The following ZNF395 variants were observed in gnomAD, a reference collection of about 807,000 sequenced individuals.
ZNF395 encodes the protein HD gene regulatory region-binding protein 2.
A neutral mutation model predicts 57.7 loss-of-function variants in ZNF395; 20 were observed. That is an observed-to-expected ratio of 0.35 (90% CI 0.24 to 0.50). The LOEUF (loss-of-function observed/expected upper bound fraction) is 0.50. Ranked by LOEUF, ZNF395 falls within the 20% of genes least tolerant of loss-of-function variation. The pLI, the probability that ZNF395 is intolerant of heterozygous loss-of-function variation, is 0.97. For synonymous variants in ZNF395, 295 were observed against 275.9 expected (o/e 1.07, Z -0.69); for missense variants, 606 against 671.2 (o/e 0.90, Z 1.07).
chr8:28,377,195 CTA>C (rs1802051958), intron 1 of ZNF395, among the ~76,000 whole-genome samples: 1 of 151,992 alleles, frequency 6.6e-6, no homozygotes, highest in Non-Finnish European at 1.5e-5. Context: ...CAGAATTAAA[CTA>C]AAAAAAATTT....
rs1289221273 is a variant in ZNF395, at chr8:28,352,341, T to TC, written c.920+231dup. Among the ~76,000 whole-genome samples, 1 of 152,136 alleles carries TC rather than the reference T, an allele frequency of 6.6e-6. No homozygotes were observed. The highest frequency in any genetic ancestry group is 2.4e-5 in the African/African-American group (1 of 41,416). On this transcript the variant is annotated intron_variant, in intron 6 of 9. Coordinates refer to ENST00000344423, the MANE Select transcript of ZNF395 (RefSeq NM_018660.3). The surrounding 1 kb of genome is among the most constrained non-coding windows in gnomAD (Gnocchi z 4.0). ...CTACCCAGAACTAAAACATCTTGCTTCCTGCAATGAGGCAAGAAGACACAT... is the reference window on the plus strand; with the variant it reads ...CTACCCAGAACTAAAACATCTTGCTTCCCTGCAATGAGGCAAGAAGACACAT...
chr8:28,357,253 T>TA (rs1801793009), intron 3 of ZNF395, among the ~76,000 whole-genome samples: 1 of 152,188 alleles, frequency 6.6e-6, no homozygotes, highest in South Asian at 2.1e-4. Flanking sequence ...AGGGAACAAT[T>TA]ATACACTAAC....
Position 28,351,623 on chromosome 8 carries a change from G to T in ZNF395, c.1105C>A (p.Pro369Thr), listed in dbSNP as rs774004894. 1.2e-6 allele frequency: 2 copies of T among 1,613,684 alleles called. No homozygotes were observed. Among genetic ancestry groups the T allele is most frequent in the African/African-American group, 2.7e-5 (2 of 75,070 alleles). ...MTGLPLSALPPPLHKAQSSGP... is the reference protein window; with the variant it reads ...MTGLPLSALPTPLHKAQSSGP... ...GAGGACTGGGCTTTGTGCAGAGGTG[G>T]TGGAAGAGCAGACAGAGGCAGGCCA... The change falls in exon 7 of 10, where the codon CCA becomes ACA. Residue 369 changes from proline (P) to threonine (T), a missense_variant. Physicochemically the swap from Pro to Thr is conservative, Grantham distance 38. Coordinates refer to ENST00000344423, the MANE Select transcript of ZNF395 (RefSeq NM_018660.3).
chr8:28,346,492 C>CA lies in ZNF395; in HGVS notation c.*2226dup, dbSNP rs947743945. ...GCACAAGCGCAGGCAGGGAAGGTGG[C>CA]ACCAAAACCTAGTAAGAACAAAGCA... On this transcript the variant is annotated 3_prime_UTR_variant, in exon 10 of 10. Transcript: ENST00000344423. 1.3e-5 allele frequency: 2 copies of CA among 152,536 alleles called. No homozygotes were observed. The highest frequency in any genetic ancestry group is 4.8e-5 in the African/African-American group (2 of 41,452). 9.4% of individuals were successfully genotyped at this position (152,536 alleles called of 1,614,324 possible).
chr8:28,376,132 G>A (rs904087670), intron 1 of ZNF395, among the ~76,000 whole-genome samples: 4 of 151,904 alleles, frequency 2.6e-5, no homozygotes, highest in South Asian at 2.1e-4. Context: ...ATGCCACCAC[G>A]CCCAGCTCAT....
intron 6 of ZNF395, 144 bp from the exon 7 acceptor site, chr8:28,351,951 T>A: frequency 1.2e-5 from 10 of 860,056 alleles, no homozygotes; most frequent in Non-Finnish European, 1.1e-5. Flanking sequence ...GGTGCCTCGC[T>A]CCTGACGGGT....
At chr8:28,370,204 TAA>T (rs60927229) in intron 1 of ZNF395, among the ~76,000 whole-genome samples, 11,344 of 145,928 alleles carry the variant, frequency 0.078, 582 homozygotes, top group East Asian at 0.29. Flanking sequence ...GTTATGAATC[TAA>T]AAAAAAAAAA....
At chr8:28,367,662 G>T (rs1801926862) in intron 1 of ZNF395, among the ~76,000 whole-genome samples, 1 of 152,084 alleles carries the variant, frequency 6.6e-6, no homozygotes, top group South Asian at 2.1e-4. Context: ...CGACTCTCTG[G>T]AGTTCACACT....
intron 1 of ZNF395, among the ~76,000 whole-genome samples, chr8:28,371,822 G>C (rs1024562415): frequency 1.3e-4 from 20 of 152,176 alleles, no homozygotes; most frequent in Admixed American, 5.9e-4. Context: ...GCCAAGGCAG[G>C]TGGATCACTT....
intron 1 of ZNF395, among the ~76,000 whole-genome samples, chr8:28,364,047 A>G (rs1166264847): frequency 6.6e-6 from 1 of 152,202 alleles, no homozygotes; most frequent in Non-Finnish European, 1.5e-5. Flanking sequence ...AGGAAGGGAA[A>G]CTGTCTTTAT....
Position 28,348,665 on chromosome 8 carries a change from TCTTGTCAGTGGCTG to T in ZNF395, c.*40_*53del. ...GCTGAGGGCTGGTGACACACTGGCC[TCTTGTCAGTGGCTG>T]CCGGCAGGGCCAGGAACAGAGTAGA... is the stretch of plus-strand genomic sequence containing the variant. On this transcript the variant is annotated 3_prime_UTR_variant, in exon 10 of 10. Transcript: ENST00000344423. 2 of 1,525,628 alleles carry T rather than the reference TCTTGTCAGTGGCTG, an allele frequency of 1.3e-6. No homozygotes were observed. The highest frequency in any genetic ancestry group is 4.5e-5 in the East Asian group (2 of 44,438). 94.5% of individuals were successfully genotyped at this position (1,525,628 alleles called of 1,614,324 possible).
chr8:28,361,656 C>T (rs914377487), intron 1 of ZNF395, among the ~76,000 whole-genome samples: 1 of 152,158 alleles, frequency 6.6e-6, no homozygotes, highest in Non-Finnish European at 1.5e-5. Flanking sequence ...CTGAGCTAAA[C>T]CTCAGCACAC....
At chr8:28,385,651 G>GCGGGAGGGC (rs1337746865) in intron 1 of ZNF395, among the ~76,000 whole-genome samples, 37 of 148,494 alleles carry the variant, frequency 2.5e-4, no homozygotes, top group African/African-American at 8.8e-4. Flanking sequence ...AGGGCCGGGC[G>GCGGGAGGGC]CGGGAGGGCC....
chr8:28,349,294 A>T, intron 8 of ZNF395, 66 bp from the exon 9 acceptor site: 2 of 1,341,062 alleles, frequency 1.5e-6, no homozygotes, highest in Non-Finnish European at 2.0e-6. Context: ...CTATCCTAAA[A>T]GACAGGCAGC....
At position 28,359,648 on chromosome 8, in the gene ZNF395, G is replaced by T. The variant is rs1220985561; in HGVS notation, c.417C>A (p.Pro139=). 1.9e-6 allele frequency: 3 copies of T among 1,612,756 alleles called. No individual in the cohort carries two copies. The Admixed American group carries it at 5.0e-5, about 27-fold the overall frequency. ...GCCTGTAGGCCAGGGCCTGGGCTCC[G>T]GGCTCCAGGGGTGGTGCCTGGGGAC... The part of the protein sequence containing the change: ...GPCPQAPPLE[P]GAQALAYRPV... Residue 139 remains proline (P), a synonymous_variant, in exon 3 of 10, where the codon CCC becomes CCA. Transcript: ENST00000344423. The surrounding 1 kb of genome is among the most constrained non-coding windows in gnomAD (Gnocchi z 4.7).
At position 28,359,209 on chromosome 8, in the gene ZNF395, C is replaced by G. The variant is rs1366741738; in HGVS notation, c.473+383G>C. On this transcript the variant is annotated intron_variant, in intron 3 of 9. Coordinates refer to ENST00000344423, the MANE Select transcript of ZNF395 (RefSeq NM_018660.3). The surrounding 1 kb of genome is among the most constrained non-coding windows in gnomAD (Gnocchi z 4.7). The stretch of plus-strand genomic sequence containing the variant: ...GTCGGGAGTTTGAGACCAGCCTGAC[C>G]AATAAATATGGTGAAACCCCATCTC... Among the ~76,000 whole-genome samples the G allele has an allele frequency of 1.3e-5, 2 of 152,248 alleles. No individual in the cohort carries two copies. The highest frequency in any genetic ancestry group is 3.9e-4 in the East Asian group (2 of 5,174).
At chr8:28,369,184 A>G (rs1018862961) in intron 1 of ZNF395, among the ~76,000 whole-genome samples, 4 of 146,492 alleles carry the variant, frequency 2.7e-5, no homozygotes, top group Admixed American at 1.4e-4. Context: ...TAGAAACACT[A>G]TTTGGAACTC....
chr8:28,353,502 A>G, intron 4 of ZNF395, 94 bp from the exon 5 acceptor site: 1 of 983,290 alleles, frequency 1.0e-6, no homozygotes, highest in Middle Eastern at 3.2e-4. Flanking sequence ...AGAGGAGTTC[A>G]TTCATGGCAG....
chr8:28,363,310 T>A (rs1228380306), intron 1 of ZNF395, among the ~76,000 whole-genome samples: 2 of 152,106 alleles, frequency 1.3e-5, no homozygotes, highest in Non-Finnish European at 2.9e-5. Context: ...ATTTTGTATT[T>A]TAGTAGAGAC....
Sources: gnomAD v4.1 joint callset for allele counts (sites outside exome capture counted in the v4.1 genomes callset) on GRCh38, gnomAD v4.1.1 for gene constraint, Gnocchi (gnomAD v3.1) non-coding constraint, MANE v1.5 for transcripts, NCBI Gene and HGNC (gene_info 2026-07-23, HGNC 2026-07-21) for gene names.